ERI1: variants seen among roughly 807,000 people sequenced by gnomAD.
The protein encoded by ERI1 is 3'-5' exoribonuclease 1.
ERI1 carries 39 observed loss-of-function variants against 39.7 expected under a neutral mutation model. The ratio of observed to expected loss-of-function variants is 0.98; its 90% CI spans 0.76 to 1.28. The LOEUF is 1.28. ERI1 is among the 50% of genes most tolerant of loss of function. ERI1 has a pLI of 0.00. For synonymous variants in ERI1, 204 were observed against 149.6 expected (o/e 1.36, Z -2.65); for missense variants, 581 against 416.9 (o/e 1.39, Z -3.43).
In ERI1 at chr8:9,030,274, AC is replaced by A. The variant is rs555287382; in HGVS notation, c.*241del. The A allele has an allele frequency of 2.8e-4, 142 of 503,028 alleles. No homozygotes were observed. The highest frequency in any genetic ancestry group is 2.3e-3 in the African/African-American group (124 of 52,966). 31.2% of individuals were successfully genotyped at this position (503,028 alleles called of 1,614,324 possible). ...CGTTACATAGTAACAGTTCCTGCTT[AC>A]AACTGAATTTTATAATTTAAGGTGT... On this transcript the variant is annotated 3_prime_UTR_variant, in exon 7 of 7. Coordinates refer to ENST00000250263, the MANE Select transcript of ERI1 (RefSeq NM_153332.4).
chr8:9,070,588 C>T lies in ERI1; in HGVS notation n.300-45760C>T, dbSNP rs1799016376. On this transcript the variant is annotated intron_variant and non_coding_transcript_variant, in intron 3 of 3. Transcript: ENST00000518663. ...GAACAGAAAGGAAGAAATTGATTGA[C>T]TCATTTCCCAACTACTTATTCACCC... Among the ~76,000 whole-genome samples the T allele has an allele frequency of 3.9e-5, 6 of 152,318 alleles. No homozygotes were observed. In the South Asian group the frequency reaches 1.2e-3, roughly 32 times the overall value.
At chr8:9,077,891 T>A (rs1205565897) in intron 3 of ERI1, among the ~76,000 whole-genome samples, 3 of 152,174 alleles carry the variant, frequency 2.0e-5, no homozygotes, top group Non-Finnish European at 2.9e-5. Context: ...ACCAACCCCA[T>A]CCAACCTTTC....
chr8:9,079,366 C>G (rs1024947011), intron 3 of ERI1, among the ~76,000 whole-genome samples: 1 of 152,078 alleles, frequency 6.6e-6, no homozygotes, highest in Admixed American at 6.5e-5. Flanking sequence ...AGCTATAGAC[C>G]GTTTTCATTT....
At chr8:9,079,586 G>A (rs1799310488) in intron 3 of ERI1, among the ~76,000 whole-genome samples, 1 of 152,162 alleles carries the variant, frequency 6.6e-6, no homozygotes, top group Non-Finnish European at 1.5e-5. Flanking sequence ...AAATATAACT[G>A]GAATAGTTTA....
intron 5 of ERI1, among the ~76,000 whole-genome samples, chr8:9,018,954 G>A (rs908724750): frequency 1.3e-5 from 2 of 151,946 alleles, no homozygotes; most frequent in African/African-American, 4.8e-5. Flanking sequence ...AATTTCTATG[G>A]TATATACCAT....
intron 3 of ERI1, among the ~76,000 whole-genome samples, chr8:9,058,269 C>A (rs534365211): frequency 2.6e-5 from 4 of 152,136 alleles, no homozygotes. Flanking sequence ...AGTGAATGTG[C>A]GCTGAGAGAA....
intron 3 of ERI1, among the ~76,000 whole-genome samples, chr8:9,051,657 CAAA>C (rs11439065): frequency 2.1e-5 from 3 of 141,118 alleles, no homozygotes; most frequent in South Asian, 2.3e-4. Context: ...GACCCTGTCT[CAAA>C]AAAAAAAAAA....
At chr8:9,081,462 T>G (rs1271545378) in intron 3 of ERI1, among the ~76,000 whole-genome samples, 1 of 152,168 alleles carries the variant, frequency 6.6e-6, no homozygotes, top group Non-Finnish European at 1.5e-5. Flanking sequence ...AATAAATTAT[T>G]ATTTTTTTAA....
chr8:9,030,055 C>G lies in ERI1; in HGVS notation c.*21C>G. On this transcript the variant is annotated 3_prime_UTR_variant, in exon 7 of 7. Transcript: ENST00000250263. ...AGTAACAACAGTTTTGTGTGTGGATCATTCCAATTGAAGTTGCTATGAAGA... is the reference window on the plus strand; with the variant it reads ...AGTAACAACAGTTTTGTGTGTGGATGATTCCAATTGAAGTTGCTATGAAGA... The G allele has an allele frequency of 1.9e-6, 3 of 1,609,630 alleles. No individual in the cohort carries two copies. Among genetic ancestry groups the G allele is most frequent in the Non-Finnish European group, 2.6e-6 (3 of 1,176,330 alleles).
In ERI1 at chr8:9,016,917, C is replaced by T. The variant is rs551143629; in HGVS notation, c.582+512C>T. Among the ~76,000 whole-genome samples, 3 of 152,322 alleles carry T rather than the reference C, an allele frequency of 2.0e-5. No individual in the cohort carries two copies. In the South Asian group the frequency reaches 6.2e-4, roughly 32 times the overall value. On this transcript the variant is annotated intron_variant, in intron 4 of 6. Transcript: ENST00000250263. ...GGCCAGGCTGGTCTCGAACACCTAA[C>T]CTCAAGTGTCCCGCCTCGGCCTGCC...
In ERI1 at chr8:9,031,117, C is replaced by A. The variant is rs887184964; in HGVS notation, c.*1083C>A. 1 of 152,164 alleles carries A rather than the reference C, an allele frequency of 6.6e-6. No individual in the cohort carries two copies. The highest frequency in any genetic ancestry group is 1.5e-5 in the Non-Finnish European group (1 of 68,018). 9.4% of individuals were successfully genotyped at this position (152,164 alleles called of 1,614,324 possible). A position where few individuals can be genotyped will look rare whatever the true frequency, so the allele number is the denominator to read the frequency against. On this transcript the variant is annotated 3_prime_UTR_variant, in exon 7 of 7. Coordinates refer to ENST00000250263, the MANE Select transcript of ERI1 (RefSeq NM_153332.4). Reference sequence around the variant, plus strand: ...GTATTTTCAGAATTGAATTTTTCTCCTTGTAGCTTTCAGGGAACAATTTCA... The same window carrying A: ...GTATTTTCAGAATTGAATTTTTCTCATTGTAGCTTTCAGGGAACAATTTCA...
At chr8:9,084,137 C>T (rs112394876) in intron 3 of ERI1, among the ~76,000 whole-genome samples, 9,585 of 152,108 alleles carry the variant, frequency 0.063, 430 homozygotes, top group East Asian at 0.18. Flanking sequence ...TGGTGTGCAC[C>T]TGTAGTCCCA....
In ERI1 at chr8:9,029,836, A is replaced by G; in HGVS notation, c.852A>G (p.Leu284=). ...AACTGACAATAATGCTTGAAAAATT[A>G]GGAATGGATTATGATGGGCGGCCTC... ...QTKLTIMLEK[L]GMDYDGRPHC... is the part of the protein sequence containing the mutation. Residue 284 remains leucine, a synonymous_variant, in exon 7 of 7, where the codon TTA becomes TTG. Transcript: ENST00000250263. 6.2e-7 allele frequency: 1 copy of G among 1,614,224 alleles called. No homozygotes were observed. The highest frequency in any genetic ancestry group is 8.5e-7 in the Non-Finnish European group (1 of 1,180,032).
intron 3 of ERI1, among the ~76,000 whole-genome samples, chr8:9,082,688 T>G (rs1485269637): frequency 6.6e-6 from 1 of 152,176 alleles, no homozygotes; most frequent in African/African-American, 2.4e-5. Flanking sequence ...GGCAAATGGA[T>G]TCTCTCCTTC....
intron 1 of ERI1, among the ~76,000 whole-genome samples, chr8:9,006,144 G>A (rs543629827): frequency 6.6e-6 from 1 of 152,166 alleles, no homozygotes; most frequent in African/African-American, 2.4e-5. Context: ...AGGGTTTTTA[G>A]TATTTTCTTT....
At chr8:9,070,065 C>G (rs1204326219) in intron 3 of ERI1, among the ~76,000 whole-genome samples, 1 of 151,808 alleles carries the variant, frequency 6.6e-6, no homozygotes, top group Non-Finnish European at 1.5e-5. Flanking sequence ...ATGGTGAAAC[C>G]CTGCCTCTAC....
intron 3 of ERI1, among the ~76,000 whole-genome samples, chr8:9,038,534 T>C (rs1464744791): frequency 6.6e-6 from 1 of 152,058 alleles, no homozygotes; most frequent in Non-Finnish European, 1.5e-5. Context: ...CTGAGGTGGG[T>C]GGATTGCTTG....
intron 3 of ERI1, among the ~76,000 whole-genome samples, chr8:9,098,086 TGA>T (rs1012009694): frequency 2.2e-4 from 34 of 152,296 alleles, no homozygotes; most frequent in African/African-American, 7.9e-4. Flanking sequence ...TGCAAAGACA[TGA>T]GAATGATACA....
chr8:9,077,962 G>GA (rs1799259004), intron 3 of ERI1, among the ~76,000 whole-genome samples: 1 of 152,092 alleles, frequency 6.6e-6, no homozygotes, highest in South Asian at 2.1e-4. Flanking sequence ...CATGGTCTTG[G>GA]TGACACTGAT....
Sources: gnomAD v4.1 joint callset for allele counts (sites outside exome capture counted in the v4.1 genomes callset) on GRCh38, gnomAD v4.1.1 for gene constraint, MANE v1.5 for transcripts, NCBI Gene and HGNC (gene_info 2026-07-23, HGNC 2026-07-21) for gene names.